CCDC171: variants seen among roughly 807,000 people sequenced by gnomAD.
CCDC171 encodes the protein coiled-coil domain-containing protein 171.
Under a neutral mutation model 168.2 loss-of-function variants are expected in CCDC171, and 177 were observed. The ratio of observed to expected loss-of-function variants is 1.05; its 90% CI spans 0.93 to 1.19. The LOEUF is 1.19. Ranked by LOEUF, CCDC171 falls within the 50% of genes most tolerant of loss-of-function variation. CCDC171 has a pLI of 0.00. For synonymous variants in CCDC171, 687 were observed against 540.8 expected (o/e 1.27, Z -3.75); for missense variants, 1,991 against 1,539.0 (o/e 1.29, Z -4.91).
intron 11 of CCDC171, among the ~76,000 whole-genome samples, chr9:15,699,475 CCCCA>C (rs2051505497): frequency 6.6e-6 from 1 of 152,098 alleles, no homozygotes; most frequent in East Asian, 1.9e-4. Context: ...TCTTATCCGG[CCCCA>C]CCCACGTCCT....
chr9:15,695,969 A>G (rs947851591), intron 11 of CCDC171, among the ~76,000 whole-genome samples: 3 of 152,118 alleles, frequency 2.0e-5, no homozygotes, highest in African/African-American at 4.8e-5. Context: ...TCTGTTCACT[A>G]TTTCTACTTT....
intron 23 of CCDC171, among the ~76,000 whole-genome samples, chr9:15,870,767 C>G (rs1258208432): frequency 6.7e-6 from 1 of 148,884 alleles, no homozygotes; most frequent in Non-Finnish European, 1.5e-5. Flanking sequence ...AATTTAATTT[C>G]ATAGTTGATA....
intron 1 of CCDC171, among the ~76,000 whole-genome samples, chr9:16,049,726 G>C (rs1000383510): frequency 6.6e-6 from 1 of 152,058 alleles, no homozygotes; most frequent in African/African-American, 2.4e-5. Context: ...CTTGCAGATG[G>C]CCTGTCATGG....
At chr9:15,974,069 T>C (rs1281803260), downstream of CCDC171, 2 of 152,206 alleles carry the variant, frequency 1.3e-5, no homozygotes, top group East Asian at 1.9e-4. Context: ...AGGTACATTT[T>C]GTACAGTGAA....
intron 6 of CCDC171, among the ~76,000 whole-genome samples, chr9:15,602,489 T>G (rs1459960753): frequency 6.6e-6 from 1 of 152,004 alleles, no homozygotes; most frequent in African/African-American, 2.4e-5. Flanking sequence ...AAAAAGAAAA[T>G]CTCAATTTTA....
At chr9:15,557,350 A>G (rs111360069) in intron 1 of CCDC171, among the ~76,000 whole-genome samples, 6,716 of 152,140 alleles carry the variant, frequency 0.044, 336 homozygotes, top group South Asian at 0.12. Flanking sequence ...CATTTTCACA[A>G]TATTAATTCT....
intron 6 of CCDC171, among the ~76,000 whole-genome samples, chr9:15,597,159 C>G (rs2042435798): frequency 6.6e-6 from 1 of 151,994 alleles, no homozygotes; most frequent in African/African-American, 2.4e-5. Context: ...CCCGATTGCC[C>G]TGGCCAGAAC....
intron 3 of CCDC171, among the ~76,000 whole-genome samples, chr9:15,984,895 C>G (rs949454100): frequency 6.6e-6 from 1 of 152,128 alleles, no homozygotes; most frequent in Admixed American, 6.6e-5. Flanking sequence ...AATGGATCTA[C>G]ATTTCAGAAC....
chr9:15,957,063 C>T (rs1393484875), intron 25 of CCDC171, among the ~76,000 whole-genome samples: 1 of 147,848 alleles, frequency 6.8e-6, no homozygotes, highest in Non-Finnish European at 1.5e-5. Flanking sequence ...TAATGTATCA[C>T]TATAATATTT....
chr9:16,102,944 T>C, the CCDC171 span, among the ~76,000 whole-genome samples: 7 of 152,166 alleles, frequency 4.6e-5, no homozygotes, highest in African/African-American at 7.2e-5. Flanking sequence ...ATCTTCTCAA[T>C]TATATTTCCT....
intron 9 of CCDC171, among the ~76,000 whole-genome samples, chr9:15,671,452 A>G (rs1330467450): frequency 6.6e-6 from 1 of 151,856 alleles, no homozygotes; most frequent in African/African-American, 2.4e-5. Context: ...GCATCCATCA[A>G]CTCGCTTACA....
intron 24 of CCDC171, among the ~76,000 whole-genome samples, chr9:15,887,058 G>A (rs1265426286): frequency 1.3e-5 from 2 of 152,016 alleles, no homozygotes; most frequent in Non-Finnish European, 2.9e-5. Context: ...ATGGTACAGT[G>A]CTATATAATG....
intron 24 of CCDC171, chr9:15,883,052 A>G (rs77434548): frequency 0.086 from 22,880 of 267,100 alleles, 1,156 homozygotes; most frequent in Non-Finnish European, 0.12. Flanking sequence ...CTTTTGAGAC[A>G]GGATCTTCCT....
At position 15,567,027 on chromosome 9, in the gene CCDC171, C is replaced by CTT. The variant is rs34470119; in HGVS notation, c.41+2914_41+2915dup. Among the ~76,000 whole-genome samples the CTT allele has an allele frequency of 5.3e-3, 707 of 132,264 alleles. 14 individuals carry two copies. The highest frequency in any genetic ancestry group is 0.024 in the South Asian group (100 of 4,132). 86.8% of individuals were successfully genotyped at this position (132,264 alleles called of 152,430 possible). ...ACTCTGATATATTGATCTACATGTC[C>CTT]TTTTTTTTTTTTTTTTTGAGGCAGA... On this transcript the variant is annotated intron_variant, in intron 2 of 25. Coordinates refer to ENST00000380701, the MANE Select transcript of CCDC171 (RefSeq NM_173550.4).
At chr9:16,035,958 A>G (rs1030010838) in intron 7 of CCDC171, 1 of 152,190 alleles carries the variant, frequency 6.6e-6, no homozygotes, top group Non-Finnish European at 1.5e-5. Flanking sequence ...CTTACCTTTA[A>G]TAATTTTGTG....
At chr9:15,570,573 G>A (rs1289836943) in intron 2 of CCDC171, among the ~76,000 whole-genome samples, 2 of 152,154 alleles carry the variant, frequency 1.3e-5, no homozygotes, top group African/African-American at 4.8e-5. Flanking sequence ...TGGAAGCTCA[G>A]TGTGTGAGAC....
At chr9:16,078,394 G>T in the CCDC171 span, among the ~76,000 whole-genome samples, 1 of 152,124 alleles carries the variant, frequency 6.6e-6, no homozygotes, top group South Asian at 2.1e-4. Context: ...CTTATGGTCG[G>T]TGGTTGAAGT....
chr9:15,638,141 C>G (rs2046339879), intron 7 of CCDC171, among the ~76,000 whole-genome samples: 1 of 152,062 alleles, frequency 6.6e-6, no homozygotes, highest in Non-Finnish European at 1.5e-5. Flanking sequence ...GAACTTGAAG[C>G]TTTGAAGGTA....
chr9:16,041,767 C>A (rs1162419104), upstream of CCDC171, among the ~76,000 whole-genome samples: 1 of 152,138 alleles, frequency 6.6e-6, no homozygotes, highest in East Asian at 1.9e-4. Context: ...CTTGGCCACA[C>A]CTTCTGGAAC....
Sources: gnomAD v4.1 joint callset for allele counts (sites outside exome capture counted in the v4.1 genomes callset) on GRCh38, gnomAD v4.1.1 for gene constraint, MANE v1.5 for transcripts, NCBI Gene and HGNC (gene_info 2026-07-23, HGNC 2026-07-21) for gene names.